The following SETD7 variants were observed in gnomAD, a reference collection of about 807,000 sequenced individuals.
The protein encoded by SETD7 is SET domain containing 7, histone lysine methyltransferase, also known as histone-lysine N-methyltransferase SETD7.
SETD7 carries 16 observed loss-of-function variants against 41.8 expected under a neutral mutation model. The ratio of observed to expected loss-of-function variants is 0.38; its 90% CI spans 0.26 to 0.58. The LOEUF is 0.58. Among genes scored for constraint, SETD7 ranks in the 20% least tolerant of loss-of-function variants. The probability of loss-of-function intolerance (pLI) is 0.64; values close to 1 mark genes in which losing one functional copy is unlikely to be tolerated. For synonymous variants in SETD7, 163 were observed against 169.7 expected (o/e 0.96, Z 0.31); for missense variants, 346 against 459.7 (o/e 0.75, Z 2.26).
intron 6 of SETD7, 151 bp from the exon 7 acceptor site, chr4:139,518,193 A>G: frequency 1.3e-6 from 1 of 780,010 alleles, no homozygotes; most frequent in Non-Finnish European, 1.9e-6. Flanking sequence ...AAGTAGCGTG[A>G]TCTTGGCTCA....
chr4:139,505,515 G>A (rs141681982), downstream of SETD7, among the ~76,000 whole-genome samples: 517 of 152,086 alleles, frequency 3.4e-3, 3 homozygotes, highest in African/African-American at 0.012. Flanking sequence ...CTTGAATCCC[G>A]GAGGTGGAGG....
intron 7 of SETD7, 44 bp downstream of exon 7, chr4:139,517,841 C>G (rs775377205): frequency 6.3e-7 from 1 of 1,579,554 alleles, no homozygotes; most frequent in Admixed American, 1.8e-5. Context: ...CGTCTCAGGG[C>G]CCTGAGGCAT....
At position 139,518,326 on chromosome 4, in the gene SETD7, A is replaced by G. The variant is rs190648754; in HGVS notation, c.763-284T>C. Among the ~76,000 whole-genome samples, 75 of 152,202 alleles carry G rather than the reference A, an allele frequency of 4.9e-4. No homozygotes were observed. In the East Asian group the frequency reaches 0.014, roughly 28 times the overall value. On this transcript the variant is annotated intron_variant, in intron 6 of 7. Transcript: ENST00000274031. The stretch of plus-strand genomic sequence containing the variant: ...GTATATTTTGTAGAGACGGGGTTTC[A>G]CCATGTTGGCCAGGCTGGTCTCGAA...
intron 2 of SETD7, among the ~76,000 whole-genome samples, chr4:139,543,962 TCAAACAAA>T (rs10684792): frequency 5.0e-4 from 74 of 148,198 alleles, no homozygotes; most frequent in African/African-American, 1.8e-3. Flanking sequence ...AGACTCCATC[TCAAACAAA>T]CAAACAAACA....
chr4:139,530,344 C>T (rs1313865464), intron 3 of SETD7, among the ~76,000 whole-genome samples: 1 of 130,500 alleles, frequency 7.7e-6, no homozygotes, highest in African/African-American at 2.8e-5. Context: ...TTTGAGTGAT[C>T]CCAAATGCTG....
At chr4:139,495,082 T>C (rs1205939147), downstream of SETD7, among the ~76,000 whole-genome samples, 3 of 152,256 alleles carry the variant, frequency 2.0e-5, no homozygotes, top group Admixed American at 1.3e-4. Flanking sequence ...CTTTCATTCA[T>C]TCTTTTGTAC....
At chr4:139,512,802 G>A (rs1225377176) in intron 7 of SETD7, among the ~76,000 whole-genome samples, 1 of 117,968 alleles carries the variant, frequency 8.5e-6, no homozygotes, top group Non-Finnish European at 1.6e-5. Flanking sequence ...CTGTTGCCCA[G>A]GCTGAAGTGC....
At chr4:139,532,688 A>G (rs1252183611) in intron 3 of SETD7, 5 of 171,866 alleles carry the variant, frequency 2.9e-5, no homozygotes, top group Admixed American at 5.7e-5. Flanking sequence ...TATAAACCAT[A>G]AAATACCTTA....
At chr4:139,548,802 C>T (rs1728032301) in intron 1 of SETD7, among the ~76,000 whole-genome samples, 1 of 152,096 alleles carries the variant, frequency 6.6e-6, no homozygotes, top group South Asian at 2.1e-4. Context: ...AAATCATAAT[C>T]AATATGGATC....
intron 2 of SETD7, among the ~76,000 whole-genome samples, chr4:139,541,695 T>G (rs1727782854): frequency 6.6e-6 from 1 of 152,218 alleles, no homozygotes; most frequent in South Asian, 2.1e-4. Context: ...GCAAACCATC[T>G]GGTAAAGCAT....
At chr4:139,543,511 C>G (rs1332202885) in intron 2 of SETD7, among the ~76,000 whole-genome samples, 1 of 152,194 alleles carries the variant, frequency 6.6e-6, no homozygotes, top group African/African-American at 2.4e-5. Context: ...TGTAATAAAA[C>G]CAATGATACT....
intron 2 of SETD7, among the ~76,000 whole-genome samples, chr4:139,535,815 T>A: frequency 6.6e-6 from 1 of 152,112 alleles, no homozygotes; most frequent in East Asian, 1.9e-4. Context: ...GTAAGTTAGA[T>A]GAAATCTGAT....
chr4:139,552,366 C>T (rs553969065), intron 1 of SETD7, among the ~76,000 whole-genome samples: 12 of 152,292 alleles, frequency 7.9e-5, no homozygotes, highest in East Asian at 7.7e-4. Context: ...CATTCTTCCT[C>T]CATGTCTCCT....
rs543784079 is a variant in SETD7, at chr4:139,523,235, G to C, written c.644+119C>G. Reference sequence around the variant, plus strand: ...AAGGAAAAGGACACTTTCATGAGGAGCTTGGTCTGAGCTGGAACCCAGCCT... The same window carrying C: ...AAGGAAAAGGACACTTTCATGAGGACCTTGGTCTGAGCTGGAACCCAGCCT... On this transcript the variant is annotated intron_variant, in intron 5 of 7. Coordinates refer to ENST00000274031, the MANE Select transcript of SETD7 (RefSeq NM_030648.4). 6.8e-5 allele frequency: 43 copies of C among 636,270 alleles called. No homozygotes were observed. The East Asian group carries it at 1.1e-3, about 16-fold the overall frequency. The allele number at this position is 636,270 out of a possible 1,614,324, so 39.4% of individuals were successfully genotyped here.
At chr4:139,500,305 C>T (rs889892420) in intron 7 of SETD7, among the ~76,000 whole-genome samples, 1 of 152,144 alleles carries the variant, frequency 6.6e-6, no homozygotes, top group East Asian at 1.9e-4. Context: ...TCATCATGAA[C>T]CCCCTGCTTC....
chr4:139,541,269 C>G (rs1727770801), intron 2 of SETD7, among the ~76,000 whole-genome samples: 1 of 152,166 alleles, frequency 6.6e-6, no homozygotes, highest in Non-Finnish European at 1.5e-5. Context: ...GTTCACCATT[C>G]TAGGATTGTG....
Position 139,511,606 on chromosome 4 carries a change from CGTA to C in SETD7, c.*54_*56del. 6.2e-7 allele frequency: 1 copy of C among 1,607,958 alleles called. No individual in the cohort carries two copies. Among genetic ancestry groups the C allele is most frequent in the South Asian group, 1.1e-5 (1 of 89,854 alleles). ...CCTGGTTGTCCCATTGTCAGATAAA[CGTA>C]GTGCATAGATCCAAGTTTCTATTCC... On this transcript the variant is annotated 3_prime_UTR_variant, in exon 8 of 8. Coordinates refer to ENST00000274031, the MANE Select transcript of SETD7 (RefSeq NM_030648.4).
chr4:139,530,867 G>A (rs1300440940), intron 3 of SETD7, among the ~76,000 whole-genome samples: 2 of 152,074 alleles, frequency 1.3e-5, no homozygotes, highest in East Asian at 3.9e-4. Flanking sequence ...CTGTCCTTAG[G>A]GTGAGCTTAC....
intron 2 of SETD7, among the ~76,000 whole-genome samples, chr4:139,540,886 G>T (rs1727761290): frequency 6.6e-6 from 1 of 152,188 alleles, no homozygotes; most frequent in Non-Finnish European, 1.5e-5. Flanking sequence ...TCTGAATTGT[G>T]ATCAAGCACT....
Sources: allele counts gnomAD v4.1 joint callset (sites outside exome capture counted in the v4.1 genomes callset), GRCh38; gene constraint gnomAD v4.1.1; transcripts MANE v1.5; gene names NCBI Gene and HGNC (gene_info 2026-07-23, HGNC 2026-07-21).